The following MTMR4 variants were observed in gnomAD, a reference collection of about 807,000 sequenced individuals.
MTMR4 encodes myotubularin related protein 4.
MTMR4 carries 30 observed loss-of-function variants against 125.5 expected under a neutral mutation model. That is an observed-to-expected ratio of 0.24 (90% CI 0.18 to 0.32). MTMR4 has a LOEUF of 0.32. Among genes scored for constraint, MTMR4 ranks in the 10% least tolerant of loss-of-function variants. The pLI is 1.00. For missense variants in MTMR4, 1,039 were observed against 1,511.5 expected, an observed-to-expected ratio of 0.69 and a Z score of 5.18; for synonymous variants, 498 against 564.5, an observed-to-expected ratio of 0.88 and a Z score of 1.67.
chr17:58,508,127 A>G lies in MTMR4; in HGVS notation c.707+34T>C. ...TGACTCTTTCCTTGTTGCATAAGAA[A>G]TGGCCTCCCTACTTCCCAGCCCCAC... is the stretch of plus-strand genomic sequence containing the variant. On this transcript the variant is annotated intron_variant, in intron 7 of 17. Coordinates refer to ENST00000682306, the MANE Select transcript of MTMR4 (RefSeq NM_001378067.1). The surrounding 1 kb of genome is among the most constrained non-coding windows in gnomAD (Gnocchi z 4.8). The G allele has an allele frequency of 6.5e-7, 1 of 1,530,358 alleles. No homozygotes were observed. The highest frequency in any genetic ancestry group is 9.0e-7 in the Non-Finnish European group (1 of 1,107,980). 94.8% of individuals were successfully genotyped at this position (1,530,358 alleles called of 1,614,324 possible). A position where few individuals can be genotyped will look rare whatever the true frequency, so the allele number is the denominator to read the frequency against.
intron 15 of MTMR4, among the ~76,000 whole-genome samples, chr17:58,494,318 C>CT (rs1975394821): frequency 2.0e-5 from 2 of 98,998 alleles, no homozygotes; most frequent in Middle Eastern, 6.3e-3. Flanking sequence ...GAGACTCCGT[C>CT]TCAAAAAAAA....
At chr17:58,507,086 C>G (rs949640783) in intron 8 of MTMR4, 37 bp downstream of exon 8, 1 of 1,611,366 alleles carries the variant, frequency 6.2e-7, no homozygotes, top group African/African-American at 1.3e-5. Context: ...AAGGAGGGGG[C>G]CTGCTCCCTG....
intron 10 of MTMR4, 71 bp downstream of exon 10, chr17:58,505,401 C>T (rs1975751989): frequency 2.2e-6 from 3 of 1,348,430 alleles, no homozygotes; most frequent in Middle Eastern, 1.8e-4. Context: ...ATCTCCCCAT[C>T]TAATCTTCCA....
upstream of MTMR4, among the ~76,000 whole-genome samples, chr17:58,518,191 G>T (rs879329195): frequency 1.5e-3 from 235 of 152,362 alleles, no homozygotes; most frequent in Non-Finnish European, 4.1e-4. Flanking sequence ...AGAGGGGGCT[G>T]CTGGCCACTG....
rs774708153 is a variant in MTMR4, at chr17:58,492,998, GCTTA to G, written c.3253-50_3253-47del. 2.0e-6 allele frequency: 3 copies of G among 1,482,532 alleles called. No homozygotes were observed. The Admixed American group carries it at 5.0e-5, about 25-fold the overall frequency. 91.8% of individuals were successfully genotyped at this position (1,482,532 alleles called of 1,614,324 possible). On this transcript the variant is annotated intron_variant, in intron 15 of 17. Coordinates refer to ENST00000682306, the MANE Select transcript of MTMR4 (RefSeq NM_001378067.1). The stretch of plus-strand genomic sequence containing the variant: ...ACAAATTATCTTCATCATCATTAAC[GCTTA>G]CTGTTTACCATGTGTCAGGCACTGT...
At chr17:58,516,506 G>C, upstream of MTMR4, 1 of 1,523,398 alleles carries the variant, frequency 6.6e-7, no homozygotes, top group East Asian at 2.2e-5. Flanking sequence ...TCTAGGACAG[G>C]TGGGGCAGCT....
Position 58,511,444 on chromosome 17 carries a change from T to C in MTMR4, c.320A>G (p.Asp107Gly). The change falls in exon 4 of 18, where the codon GAC becomes GGC. Residue 107 changes from aspartate to glycine, a missense_variant. Asp to Gly is a moderately conservative substitution (Grantham distance 94, BLOSUM62 -1). This residue lies in a region of MTMR4 where 202 missense variants were observed against 311.9 expected (regional missense o/e 0.65). Transcript: ENST00000682306. ...DMFQLHISCK[D>G]SKVVRCHFST... ...TTGTTCTCACCTCACCACTTTGGAG[T>C]CCTTGCAGGAAATGTGCAACTGGAA... The C allele has an allele frequency of 6.2e-7, 1 of 1,611,796 alleles. No homozygotes were observed. Among genetic ancestry groups the C allele is most frequent in the Non-Finnish European group, 8.5e-7 (1 of 1,179,140 alleles).
At chr17:58,499,464 T>G (rs568850909) in intron 14 of MTMR4, among the ~76,000 whole-genome samples, 93 of 152,124 alleles carry the variant, frequency 6.1e-4, no homozygotes, top group African/African-American at 2.2e-3. Flanking sequence ...GAAGAATCAC[T>G]TGAACCCGGT....
In MTMR4 at chr17:58,490,129, T is replaced by C. The variant is rs556808969; in HGVS notation, c.*1534A>G. Reference sequence around the variant, plus strand: ...CTGAAAAGGTCAGGACAAATAATGATTCTTGTTCTAAATGCAGATCCTAGT... The same window carrying C: ...CTGAAAAGGTCAGGACAAATAATGACTCTTGTTCTAAATGCAGATCCTAGT... On this transcript the variant is annotated 3_prime_UTR_variant, in exon 18 of 18. Coordinates refer to ENST00000682306, the MANE Select transcript of MTMR4 (RefSeq NM_001378067.1). 7.9e-5 allele frequency: 12 copies of C among 152,624 alleles called. No homozygotes were observed. In the South Asian group the frequency reaches 2.5e-3, roughly 32 times the overall value. The allele number at this position is 152,624 out of a possible 1,614,324, so 9.5% of individuals were successfully genotyped here.
At chr17:58,505,753 T>C (rs1374182619) in intron 9 of MTMR4, among the ~76,000 whole-genome samples, 170 bp from the exon 10 acceptor site, 1 of 152,062 alleles carries the variant, frequency 6.6e-6, no homozygotes, top group Non-Finnish European at 1.5e-5. Context: ...ACTAAAAATA[T>C]AAAAATTAGC....
In MTMR4 at chr17:58,512,353, T is replaced by C. The variant is rs73321662; in HGVS notation, c.252+37A>G. 2,690 of 1,517,480 alleles carry C rather than the reference T, an allele frequency of 1.8e-3. 40 individuals are homozygous for C. The African/African-American group carries it at 0.031, about 18-fold the overall frequency. The allele number at this position is 1,517,480 out of a possible 1,614,324, so 94.0% of individuals were successfully genotyped here. A position where few individuals can be genotyped will look rare whatever the true frequency, so the allele number is the denominator to read the frequency against. On this transcript the variant is annotated intron_variant, in intron 3 of 17. Transcript: ENST00000682306. This position sits in a 1 kb window ranked among gnomAD's most constrained non-coding sequence, Gnocchi z 4.1. ...ATCCCACCTTGAACTTCATAGGGAT[T>C]CTAGCTTAGGGGTAGGAGAACAATA...
intron 14 of MTMR4, among the ~76,000 whole-genome samples, chr17:58,500,645 G>A (rs1268195822): frequency 6.6e-6 from 1 of 151,158 alleles, no homozygotes; most frequent in African/African-American, 2.4e-5. Flanking sequence ...AGATACTCGG[G>A]AGGCTGAGAC....
At position 58,491,029 on chromosome 17, in the gene MTMR4, C is replaced by G. The variant is rs1229655700; in HGVS notation, c.*634G>C. 1 of 152,608 alleles carries G rather than the reference C, an allele frequency of 6.6e-6. No homozygotes were observed. Among genetic ancestry groups the G allele is most frequent in the Non-Finnish European group, 1.5e-5 (1 of 68,060 alleles). The allele number at this position is 152,608 out of a possible 1,614,324, so 9.5% of individuals were successfully genotyped here. A position where few individuals can be genotyped will look rare whatever the true frequency, so the allele number is the denominator to read the frequency against. Reference sequence around the variant, plus strand: ...ATGTCTCACTCCCTAGAACTGTTCCCCTAAACTGAATATTCACCAATGCTG... The same window carrying G: ...ATGTCTCACTCCCTAGAACTGTTCCGCTAAACTGAATATTCACCAATGCTG... On this transcript the variant is annotated 3_prime_UTR_variant, in exon 18 of 18. Coordinates refer to ENST00000682306, the MANE Select transcript of MTMR4 (RefSeq NM_001378067.1).
At chr17:58,514,930 G>T (rs1233336822), upstream of MTMR4, 3 of 838,172 alleles carry the variant, frequency 3.6e-6, no homozygotes, top group Non-Finnish European at 2.9e-6. Flanking sequence ...TGGATCCCAA[G>T]GTGGAGCTCA....
rs889170001 is a variant in MTMR4, at chr17:58,495,604, G to A, written c.2580C>T (p.His860=). The change falls in exon 15 of 18, where the codon CAC becomes CAT. Residue 860 remains histidine, a synonymous_variant. Transcript: ENST00000682306. ...DPSGSVASIS[H]QEQLSSVPDL... The stretch of plus-strand genomic sequence containing the variant: ...CCGGCACAGAACTCAGTTGTTCCTG[G>A]TGGGAGATACTTGCCACAGACCCTG... The A allele has an allele frequency of 3.7e-6, 6 of 1,614,044 alleles. No individual in the cohort carries two copies. The highest frequency in any genetic ancestry group is 5.1e-6 in the Non-Finnish European group (6 of 1,180,052).
intron 4 of MTMR4, chr17:58,510,908 C>T (rs1232139896): frequency 6.6e-6 from 1 of 152,220 alleles, no homozygotes; most frequent in Non-Finnish European, 1.5e-5. Flanking sequence ...CCTCATAGCA[C>T]TCCTTATTCC....
chr17:58,495,656 C>CTTGGGT lies in MTMR4; in HGVS notation c.2522_2527dup (p.Pro842_Ser843insAsnPro), dbSNP rs1327481278. ...GGGATCTTGGTTGAGGAAGTCAGTGCTTGGGTCTAGAGGAGTTTGGCAGGC... is the reference window on the plus strand; with the variant it reads ...GGGATCTTGGTTGAGGAAGTCAGTGCTTGGGTTTGGGTCTAGAGGAGTTTGGCAGGC... On this transcript the variant is annotated inframe_insertion, in exon 15 of 18. Transcript: ENST00000682306. 6.2e-7 allele frequency: 1 copy of CTTGGGT among 1,614,134 alleles called. No individual in the cohort carries two copies. The highest frequency in any genetic ancestry group is 1.1e-5 in the South Asian group (1 of 91,076).
upstream of MTMR4, chr17:58,516,585 T>C (rs1976090696): frequency 6.2e-7 from 1 of 1,614,184 alleles, no homozygotes; most frequent in Non-Finnish European, 8.5e-7. Flanking sequence ...CTCACCATTC[T>C]ACCGTGGCAA....
At chr17:58,515,474 T>TTTATTAAGCATC (rs1441193015), upstream of MTMR4, among the ~76,000 whole-genome samples, 16 of 152,136 alleles carry the variant, frequency 1.1e-4, no homozygotes, top group Admixed American at 1.0e-3. Flanking sequence ...AACCTGACAT[T>TTTATTAAGCATC]TTATTAAGCA....
Sources: gnomAD v4.1 joint callset for allele counts (sites outside exome capture counted in the v4.1 genomes callset) on GRCh38, gnomAD v4.1.1 for gene constraint, gnomAD v4.1.1 regional missense constraint, Gnocchi (gnomAD v3.1) non-coding constraint, MANE v1.5 for transcripts, NCBI Gene and HGNC (gene_info 2026-07-23, HGNC 2026-07-21) for gene names.